Variants in IP6K1 observed in about 807,000 individuals in gnomAD.
IP6K1 encodes the protein inositol hexakisphosphate kinase 1.
Under a neutral mutation model 38.3 loss-of-function variants are expected in IP6K1, and 13 were observed. The observed-to-expected ratio is 0.34, with a 90% CI of 0.22 to 0.54. The LOEUF (loss-of-function observed/expected upper bound fraction) is 0.54, where lower values mean the gene tolerates loss of function less well. Among genes scored for constraint, IP6K1 ranks in the 20% least tolerant of loss-of-function variants. The probability of loss-of-function intolerance (pLI) is 0.92; values close to 1 mark genes in which losing one functional copy is unlikely to be tolerated. For missense variants in IP6K1, 397 were observed against 599.8 expected (o/e 0.66, Z 3.53); for synonymous variants, 212 against 229.9 (o/e 0.92, Z 0.70).
intron 1 of IP6K1, among the ~76,000 whole-genome samples, chr3:49,760,232 G>T (rs2080856518): frequency 6.6e-6 from 1 of 152,036 alleles, no homozygotes; most frequent in Non-Finnish European, 1.5e-5. Flanking sequence ...TATTAGAAAA[G>T]CACTTCTGTC....
rs202144754 is a variant in IP6K1, at chr3:49,743,241, TACACACACACAC to T, written c.223+4565_223+4576del. On this transcript the variant is annotated intron_variant, in intron 2 of 5. Transcript: ENST00000321599. The stretch of plus-strand genomic sequence containing the variant: ...TCTCAAAACAAAAACAAAAACAAAA[TACACACACACAC>T]ACACACACACACACACACACACACA... 5.0e-3 allele frequency among the ~76,000 whole-genome samples: 681 copies of T among 137,300 alleles called. 4 individuals carry two copies. Among genetic ancestry groups the T allele is most frequent in the African/African-American group, 0.012 (441 of 35,646 alleles). 90.1% of individuals were successfully genotyped at this position (137,300 alleles called of 152,430 possible).
At chr3:49,779,828 G>C (rs1223107818) in intron 1 of IP6K1, among the ~76,000 whole-genome samples, 2 of 152,084 alleles carry the variant, frequency 1.3e-5, no homozygotes, top group Admixed American at 1.3e-4. Context: ...CGAGAATACA[G>C]GTGAATGCCA....
intron 4 of IP6K1, among the ~76,000 whole-genome samples, chr3:49,729,457 G>C (rs778936168): frequency 6.6e-6 from 1 of 151,504 alleles, no homozygotes; most frequent in Non-Finnish European, 1.5e-5. Context: ...GCCCAGGCTG[G>C]AGTGCAATGG....
chr3:49,772,247 G>T (rs1010591238), intron 1 of IP6K1, among the ~76,000 whole-genome samples: 3 of 147,090 alleles, frequency 2.0e-5, no homozygotes, highest in African/African-American at 7.5e-5. Context: ...ATATATGTGT[G>T]TGTGTGTGTA....
intron 1 of IP6K1, among the ~76,000 whole-genome samples, chr3:49,767,442 T>G (rs183614401): frequency 1.3e-5 from 2 of 152,016 alleles, no homozygotes; most frequent in Non-Finnish European, 2.9e-5. Context: ...TAGCCAGTTG[T>G]GGTGGCACGT....
At chr3:49,751,847 C>G (rs1306422994) in intron 1 of IP6K1, among the ~76,000 whole-genome samples, 1 of 152,050 alleles carries the variant, frequency 6.6e-6, no homozygotes, top group Non-Finnish European at 1.5e-5. Context: ...TGAATTGCAA[C>G]AAATGGAAAG....
intron 1 of IP6K1, among the ~76,000 whole-genome samples, chr3:49,766,609 A>G (rs1257667645): frequency 2.7e-5 from 4 of 150,802 alleles, no homozygotes; most frequent in Admixed American, 6.6e-5. Context: ...GGTTGCAGTG[A>G]GCCAAGATCG....
rs2080524366 is a variant in IP6K1 at position 49,728,021 on chromosome 3, T to G, written c.792+82A>C. The G allele has an allele frequency of 4.2e-6, 6 of 1,413,088 alleles. No individual in the cohort carries two copies. In the East Asian group the frequency reaches 9.2e-5, roughly 22 times the overall value. The allele number at this position is 1,413,088 out of a possible 1,614,324, so 87.5% of individuals were successfully genotyped here. On this transcript the variant is annotated intron_variant, in intron 5 of 5. Transcript: ENST00000321599. ...GACAGAGGGGCTCAGGAGGACACAC[T>G]TGGCATAGATGGCAGGCAGGTATGA...
In IP6K1 at chr3:49,725,007, T is replaced by A. The variant is rs2080485098; in HGVS notation, c.*2115A>T. The A allele has an allele frequency of 6.5e-6, 1 of 152,702 alleles. No homozygotes were observed. The highest frequency in any genetic ancestry group is 2.1e-4 in the South Asian group (1 of 4,838). 9.5% of individuals were successfully genotyped at this position (152,702 alleles called of 1,614,324 possible). A position where few individuals can be genotyped will look rare whatever the true frequency, so the allele number is the denominator to read the frequency against. The stretch of plus-strand genomic sequence containing the variant: ...CTGGCATGGGGCAGGGAGAAAGCAG[T>A]GGCAGACAGTATGCACACACACTTG... On this transcript the variant is annotated 3_prime_UTR_variant, in exon 6 of 6. Transcript: ENST00000321599.
chr3:49,785,649 A>C (rs190954171), intron 1 of IP6K1: 1 of 152,398 alleles, frequency 6.6e-6, no homozygotes, highest in Non-Finnish European at 1.5e-5. Context: ...GATAAAATCA[A>C]GTCATCACCA....
chr3:49,760,077 G>A (rs1470028128), intron 1 of IP6K1, among the ~76,000 whole-genome samples: 2 of 151,624 alleles, frequency 1.3e-5, no homozygotes, highest in Non-Finnish European at 2.9e-5. Flanking sequence ...CCTTTTTTTT[G>A]TAGAGATGAG....
intron 1 of IP6K1, among the ~76,000 whole-genome samples, chr3:49,773,417 T>C (rs2080976822): frequency 6.6e-6 from 1 of 152,148 alleles, no homozygotes; most frequent in Non-Finnish European, 1.5e-5. Flanking sequence ...GAGACCATCC[T>C]GGCTAACACA....
At position 49,727,401 on chromosome 3, in the gene IP6K1, G is replaced by A. The variant is rs771538007; in HGVS notation, c.1047C>T (p.Cys349=). Residue 349 remains cysteine (C), a synonymous_variant, in exon 6 of 6, where the codon TGC becomes TGT. Transcript: ENST00000321599. This position sits in a 1 kb window ranked among gnomAD's most constrained non-coding sequence, Gnocchi z 5.9. The part of the protein sequence containing the change: ...YDGKECRAES[C]LDRRSEMRLK... Reference sequence around the variant, plus strand: ...GACGCATCTCAGACCGGCGGTCCAGGCAGGACTCAGCCCGGCACTCCTTGC... The same window carrying A: ...GACGCATCTCAGACCGGCGGTCCAGACAGGACTCAGCCCGGCACTCCTTGC... 2.5e-6 allele frequency: 4 copies of A among 1,614,036 alleles called. No homozygotes were observed. In the Admixed American group the frequency reaches 6.7e-5, roughly 27 times the overall value.
chr3:49,762,771 A>C (rs1001636082), intron 1 of IP6K1, among the ~76,000 whole-genome samples: 7 of 125,294 alleles, frequency 5.6e-5, no homozygotes, highest in African/African-American at 1.3e-4. Flanking sequence ...TTACGAGGTC[A>C]ATTATTGCTT....
At chr3:49,731,138 A>G (rs1010310139) in intron 4 of IP6K1, among the ~76,000 whole-genome samples, 1 of 151,882 alleles carries the variant, frequency 6.6e-6, no homozygotes, top group Admixed American at 6.6e-5. Flanking sequence ...ATAGTTCTAT[A>G]ACCTTCTGCT....
chr3:49,738,261 T>C lies in IP6K1; in HGVS notation c.385A>G (p.Ser129Gly), dbSNP rs751727183. ...CTGGCTTTCTCCTCCTTGTGGTCACTGCCACTGCCTGACCGGTGCAGGCTC... is the reference window on the plus strand; with the variant it reads ...CTGGCTTTCTCCTCCTTGTGGTCACCGCCACTGCCTGACCGGTGCAGGCTC... ...RRSLHRSGSG[S>G]DHKEEKASLS... The change falls in exon 3 of 6, where the codon AGT (serine) becomes GGT (glycine). Residue 129 changes from serine (S) to glycine (G), a missense_variant. By Grantham distance (56) the Ser-to-Gly change is moderately conservative (BLOSUM62 0). Coordinates refer to ENST00000321599, the MANE Select transcript of IP6K1 (RefSeq NM_153273.4). 8.1e-6 allele frequency: 13 copies of C among 1,614,256 alleles called. No homozygotes were observed. In the East Asian group the frequency reaches 2.9e-4, roughly 36 times the overall value.
intron 3 of IP6K1, among the ~76,000 whole-genome samples, chr3:49,735,451 C>G (rs1246957754): frequency 6.6e-6 from 1 of 152,176 alleles, no homozygotes; most frequent in East Asian, 1.9e-4. Context: ...CATTCTTTGT[C>G]ACCTGAACGA....
At chr3:49,786,040 AGGGTGGCACC>A (rs1029827556) in intron 1 of IP6K1, 1 of 152,292 alleles carries the variant, frequency 6.6e-6, no homozygotes, top group African/African-American at 2.4e-5. Context: ...GGAGAGCATC[AGGGTGGCACC>A]GGACACACTT....
intron 4 of IP6K1, among the ~76,000 whole-genome samples, chr3:49,729,944 G>A (rs2080549194): frequency 6.6e-6 from 1 of 151,812 alleles, no homozygotes; most frequent in Non-Finnish European, 1.5e-5. Flanking sequence ...CCAGACTGTA[G>A]TGCAGTGGTG....
Sources: allele counts gnomAD v4.1 joint callset (sites outside exome capture counted in the v4.1 genomes callset), GRCh38; gene constraint gnomAD v4.1.1; non-coding constraint Gnocchi (gnomAD v3.1); transcripts MANE v1.5; gene names NCBI Gene and HGNC (gene_info 2026-07-23, HGNC 2026-07-21).